ELOVL6: variants seen among roughly 807,000 people sequenced by gnomAD.
The protein encoded by ELOVL6 is very long chain fatty acid elongase 6.
Under a neutral mutation model 31.7 loss-of-function variants are expected in ELOVL6, and 8 were observed. That is an observed-to-expected ratio of 0.25 (90% CI 0.15 to 0.45). The LOEUF is 0.45. Among genes scored for constraint, ELOVL6 ranks in the 20% least tolerant of loss-of-function variants. The probability of loss-of-function intolerance (pLI) is 1.00; values close to 1 mark genes in which losing one functional copy is unlikely to be tolerated. For synonymous variants in ELOVL6, 101 were observed against 117.7 expected (o/e 0.86, Z 0.92); for missense variants, 126 against 326.4 (o/e 0.39, Z 4.73).
At chr4:110,120,530 C>T (rs1190754427) in intron 1 of ELOVL6, among the ~76,000 whole-genome samples, 1 of 152,054 alleles carries the variant, frequency 6.6e-6, no homozygotes, top group African/African-American at 2.4e-5. Flanking sequence ...ACTTGATGCA[C>T]CATTATACAC....
chr4:110,085,778 A>C (rs547839138), intron 2 of ELOVL6, among the ~76,000 whole-genome samples: 2 of 152,146 alleles, frequency 1.3e-5, no homozygotes, highest in Non-Finnish European at 2.9e-5. Context: ...CAGTGGTGTG[A>C]TCTTGGCTCA....
intron 1 of ELOVL6, among the ~76,000 whole-genome samples, chr4:110,191,164 T>G (rs942660063): frequency 2.0e-5 from 3 of 152,132 alleles, no homozygotes; most frequent in African/African-American, 7.2e-5. Flanking sequence ...CTAAAATAAA[T>G]TATTGGAGGG....
rs1754812296 is a variant in ELOVL6 at position 110,050,528 on chromosome 4, G to A, written c.*810C>T. 6.6e-6 allele frequency: 1 copy of A among 152,188 alleles called. No individual in the cohort carries two copies. The highest frequency in any genetic ancestry group is 2.1e-4 in the South Asian group (1 of 4,838). The allele number at this position is 152,188 out of a possible 1,614,324, so 9.4% of individuals were successfully genotyped here. A position where few individuals can be genotyped will look rare whatever the true frequency, so the allele number is the denominator to read the frequency against. On this transcript the variant is annotated 3_prime_UTR_variant, in exon 4 of 4. Coordinates refer to ENST00000302274, the MANE Select transcript of ELOVL6 (RefSeq NM_024090.3). ...AAAGCCCGGGGCAACTGAACAAAAG[G>A]ATAATGCTTCATATCTCACTTAAGA... is the stretch of plus-strand genomic sequence containing the variant.
At chr4:110,064,864 G>A (rs1755252642) in intron 2 of ELOVL6, among the ~76,000 whole-genome samples, 2 of 152,172 alleles carry the variant, frequency 1.3e-5, no homozygotes, top group South Asian at 4.1e-4. Context: ...GTACTAGCTT[G>A]TGAGGCTTTC....
chr4:110,084,572 A>ATT (rs1756175080), intron 2 of ELOVL6, among the ~76,000 whole-genome samples: 2 of 42,372 alleles, frequency 4.7e-5, no homozygotes, highest in African/African-American at 3.7e-4. Flanking sequence ...AGATATATAT[A>ATT]TATATATATA....
intron 1 of ELOVL6, chr4:110,117,903 A>AATATATATATATATATATATATAT (rs1194332428): frequency 9.3e-4 from 6 of 6,486 alleles, no homozygotes; most frequent in Non-Finnish European, 1.5e-3. Context: ...AAAAAAAAAA[A>AATATATATATATATATATATATAT]ATATATATAT....
intron 1 of ELOVL6, among the ~76,000 whole-genome samples, chr4:110,153,879 G>A (rs916750263): frequency 1.3e-5 from 2 of 152,148 alleles, no homozygotes; most frequent in Non-Finnish European, 2.9e-5. Context: ...AATGTAAGCA[G>A]CTTTACAAGG....
intron 1 of ELOVL6, among the ~76,000 whole-genome samples, chr4:110,116,547 G>C (rs1757173104): frequency 6.6e-6 from 1 of 152,172 alleles, no homozygotes. Flanking sequence ...CCTATGTTCA[G>C]AATTTCTAGT....
rs758604304 is a variant in ELOVL6 at position 110,051,812 on chromosome 4, C to T, written c.374-50G>A. ...ACGTGAGATCCTTGACCACCAGTAA[C>T]GATGACTTACAGTTTTGTAAGAGGG... On this transcript the variant is annotated intron_variant, in intron 3 of 3. Coordinates refer to ENST00000302274, the MANE Select transcript of ELOVL6 (RefSeq NM_024090.3). This position sits in a 1 kb window ranked among gnomAD's most constrained non-coding sequence, Gnocchi z 4.8. The T allele has an allele frequency of 1.1e-5, 17 of 1,501,958 alleles. No homozygotes were observed. In the South Asian group the frequency reaches 1.5e-4, roughly 13 times the overall value. The allele number at this position is 1,501,958 out of a possible 1,614,324, so 93.0% of individuals were successfully genotyped here.
At chr4:110,081,185 T>C (rs547679383) in intron 2 of ELOVL6, among the ~76,000 whole-genome samples, 1 of 152,038 alleles carries the variant, frequency 6.6e-6, no homozygotes, top group African/African-American at 2.4e-5. Context: ...ATTTATAAAT[T>C]CAATGCCATC....
intron 1 of ELOVL6, among the ~76,000 whole-genome samples, chr4:110,110,569 A>AT (rs1447580117): frequency 8.6e-5 from 13 of 151,436 alleles, no homozygotes; most frequent in Admixed American, 4.6e-4. Context: ...GATTCTTTTA[A>AT]TTTTTTTGCA....
At chr4:110,168,454 G>T (rs28664848) in intron 1 of ELOVL6, among the ~76,000 whole-genome samples, 2 of 152,070 alleles carry the variant, frequency 1.3e-5, no homozygotes, top group African/African-American at 4.8e-5. Flanking sequence ...AGGAGGCAGA[G>T]GCTGCTGTGA....
At chr4:110,129,891 ATTTTTTTTT>A (rs371838858) in intron 1 of ELOVL6, among the ~76,000 whole-genome samples, 155 of 93,538 alleles carry the variant, frequency 1.7e-3, no homozygotes, top group African/African-American at 5.6e-3. Flanking sequence ...ATCCAATCCA[ATTTTTTTTT>A]TTTTTTTTTT....
intron 1 of ELOVL6, among the ~76,000 whole-genome samples, chr4:110,197,105 G>A (rs1578297782): frequency 6.6e-6 from 1 of 152,202 alleles, no homozygotes; most frequent in Admixed American, 6.5e-5. Context: ...CGCACGCGGC[G>A]GGCGGAATCC....
chr4:110,152,972 G>A (rs954063106), intron 1 of ELOVL6, among the ~76,000 whole-genome samples: 1 of 152,122 alleles, frequency 6.6e-6, no homozygotes, highest in Non-Finnish European at 1.5e-5. Flanking sequence ...TGACCCCTCC[G>A]TGAGTATAAA....
intron 1 of ELOVL6, among the ~76,000 whole-genome samples, chr4:110,156,339 C>T (rs1420411025): frequency 6.6e-6 from 1 of 152,018 alleles, no homozygotes; most frequent in East Asian, 1.9e-4. Context: ...AGGGCTTTTC[C>T]AAGACATTTC....
chr4:110,141,387 C>T (rs1052075238), intron 1 of ELOVL6, among the ~76,000 whole-genome samples: 2 of 151,972 alleles, frequency 1.3e-5, no homozygotes, highest in African/African-American at 4.8e-5. Context: ...TAAAAGCTGC[C>T]TAGGTAACTC....
At chr4:110,085,773 G>C (rs1352124326) in intron 2 of ELOVL6, among the ~76,000 whole-genome samples, 3 of 152,196 alleles carry the variant, frequency 2.0e-5, no homozygotes, top group Admixed American at 6.5e-5. Context: ...GAGTGCAGTG[G>C]TGTGATCTTG....
intron 1 of ELOVL6, among the ~76,000 whole-genome samples, chr4:110,112,609 A>G (rs1757066282): frequency 6.6e-6 from 1 of 152,216 alleles, no homozygotes; most frequent in South Asian, 2.1e-4. Flanking sequence ...GTGGTGGCTC[A>G]TGCCTGTAAT....
Sources: gnomAD v4.1 joint callset for allele counts (sites outside exome capture counted in the v4.1 genomes callset) on GRCh38, gnomAD v4.1.1 for gene constraint, Gnocchi (gnomAD v3.1) non-coding constraint, MANE v1.5 for transcripts, NCBI Gene and HGNC (gene_info 2026-07-23, HGNC 2026-07-21) for gene names.